SDCBP: variants seen among roughly 807,000 people sequenced by gnomAD.
The protein encoded by SDCBP is syntenin-1.
SDCBP carries 22 observed loss-of-function variants against 30.5 expected under a neutral mutation model. That is an observed-to-expected ratio of 0.72 (90% CI 0.52 to 1.03). The LOEUF (loss-of-function observed/expected upper bound fraction) is 1.03, where lower values mean the gene tolerates loss of function less well. SDCBP is among the 50% of genes least tolerant of loss of function. SDCBP has a pLI of 0.00. For synonymous variants in SDCBP, 103 were observed against 118.7 expected (o/e 0.87, Z 0.86); for missense variants, 304 against 369.9 (o/e 0.82, Z 1.46).
At chr8:58,570,714 T>C in intron 2 of SDCBP, 173 bp from the exon 3 acceptor site, 1 of 542,892 alleles carries the variant, frequency 1.8e-6, no homozygotes, top group East Asian at 2.9e-5. Flanking sequence ...ATAGTTTTGA[T>C]TTGCAGATTT....
At chr8:58,575,449 T>C (rs949640590) in intron 4 of SDCBP, among the ~76,000 whole-genome samples, 1 of 152,202 alleles carries the variant, frequency 6.6e-6, no homozygotes, top group Non-Finnish European at 1.5e-5. Context: ...CCAGTGCCCA[T>C]ACAACATGCA....
At chr8:58,571,302 G>A (rs938188473) in intron 3 of SDCBP, among the ~76,000 whole-genome samples, 1 of 152,074 alleles carries the variant, frequency 6.6e-6, no homozygotes. Flanking sequence ...GAACTATCAT[G>A]CTGCTGCTGT....
At chr8:58,569,440 C>T (rs1404474658) in intron 2 of SDCBP, among the ~76,000 whole-genome samples, 1 of 152,128 alleles carries the variant, frequency 6.6e-6, no homozygotes, top group Non-Finnish European at 1.5e-5. Flanking sequence ...CCTCAAGCAA[C>T]TCTCCAGCTT....
chr8:58,569,974 A>G (rs1254910398), intron 2 of SDCBP, among the ~76,000 whole-genome samples: 2 of 152,208 alleles, frequency 1.3e-5, no homozygotes, highest in African/African-American at 4.8e-5. Context: ...CATCTTTGGG[A>G]ATACTCTTGA....
At chr8:58,560,731 A>T (rs1311013704) in intron 1 of SDCBP, 4 of 152,264 alleles carry the variant, frequency 2.6e-5, no homozygotes, top group Non-Finnish European at 5.9e-5. Flanking sequence ...TTCAAAAGGC[A>T]TGCAGAATCT....
intron 2 of SDCBP, among the ~76,000 whole-genome samples, chr8:58,568,907 C>CA (rs1434948733): frequency 2.0e-5 from 3 of 152,182 alleles, no homozygotes; most frequent in Admixed American, 6.5e-5. Context: ...TCTTTAGCGT[C>CA]AGGATGTCGC....
intron 5 of SDCBP, among the ~76,000 whole-genome samples, chr8:58,576,607 T>C (rs1457499207): frequency 6.6e-6 from 1 of 152,158 alleles, no homozygotes; most frequent in African/African-American, 2.4e-5. Flanking sequence ...ATTTAATATG[T>C]CATTTTCTGA....
At chr8:58,559,086 A>AT (rs1804299854) in intron 1 of SDCBP, among the ~76,000 whole-genome samples, 2 of 152,202 alleles carry the variant, frequency 1.3e-5, no homozygotes, top group Non-Finnish European at 2.9e-5. Flanking sequence ...TTTAAAAAAA[A>AT]TTTTGAAAGT....
chr8:58,575,862 G>GTT, intron 4 of SDCBP, 38 bp from the exon 5 acceptor site: 1 of 1,519,872 alleles, frequency 6.6e-7, no homozygotes, highest in East Asian at 2.3e-5. Flanking sequence ...CAAGGAGAGT[G>GTT]TTTCTAGATA....
intron 4 of SDCBP, among the ~76,000 whole-genome samples, chr8:58,574,174 G>T (rs1805198132): frequency 6.6e-6 from 1 of 152,094 alleles, no homozygotes; most frequent in Admixed American, 6.5e-5. Flanking sequence ...AGTTAATGTG[G>T]CCATCTCTGG....
At chr8:58,571,984 T>G (rs553170525) in intron 3 of SDCBP, among the ~76,000 whole-genome samples, 7 of 152,216 alleles carry the variant, frequency 4.6e-5, no homozygotes, top group Non-Finnish European at 1.0e-4. Flanking sequence ...GTTGTTTCAG[T>G]TCAGATGTCT....
chr8:58,576,894 C>G (rs1805366925), intron 5 of SDCBP, among the ~76,000 whole-genome samples: 1 of 152,202 alleles, frequency 6.6e-6, no homozygotes, highest in African/African-American at 2.4e-5. Context: ...CTGATCTTGG[C>G]AGGAGGCCCC....
intron 1 of SDCBP, chr8:58,561,881 C>T: frequency 1.7e-6 from 1 of 600,846 alleles, no homozygotes; most frequent in Non-Finnish European, 2.9e-6. Flanking sequence ...AGATGCACAA[C>T]ATAAAAGATG....
chr8:58,575,713 G>C (rs1405169789), intron 4 of SDCBP, among the ~76,000 whole-genome samples, 187 bp from the exon 5 acceptor site: 1 of 152,192 alleles, frequency 6.6e-6, no homozygotes. Context: ...ATATGTGTGG[G>C]AATAAGTTAG....
intron 1 of SDCBP, among the ~76,000 whole-genome samples, chr8:58,556,763 TATA>T (rs1457739626): frequency 6.6e-6 from 1 of 150,562 alleles, no homozygotes; most frequent in Non-Finnish European, 1.5e-5. Flanking sequence ...AGGTTACTCT[TATA>T]TTGCCCTGAG....
At chr8:58,558,568 G>A (rs1380973672) in intron 1 of SDCBP, among the ~76,000 whole-genome samples, 4 of 152,090 alleles carry the variant, frequency 2.6e-5, no homozygotes, top group Admixed American at 2.0e-4. Flanking sequence ...CAGGCACTGC[G>A]CCCAGCTACA....
chr8:58,557,309 TATATATAA>T (rs1167185498), intron 1 of SDCBP, among the ~76,000 whole-genome samples: 106 of 135,528 alleles, frequency 7.8e-4, no homozygotes, highest in African/African-American at 2.7e-3. Flanking sequence ...TATATTTAAT[TATATATAA>T]ATATAAAATA....
rs923805380 is a variant in SDCBP, at chr8:58,571,059, C to G, written c.130+94C>G. ...AATCCAAGATTTTTTTTTGGACAGG[C>G]TGCATAAAATTGGTAGTTAAGCTCA... is the stretch of plus-strand genomic sequence containing the variant. On this transcript the variant is annotated intron_variant, in intron 3 of 8. Transcript: ENST00000260130. The G allele has an allele frequency of 4.5e-6, 4 of 884,620 alleles. No homozygotes were observed. The African/African-American group carries it at 6.7e-5, about 15-fold the overall frequency. 54.8% of individuals were successfully genotyped at this position (884,620 alleles called of 1,614,324 possible).
At chr8:58,579,906 G>A (rs891971733) in intron 7 of SDCBP, 112 bp downstream of exon 7, 19 of 1,001,342 alleles carry the variant, frequency 1.9e-5, no homozygotes, top group Non-Finnish European at 2.4e-5. Context: ...GATGGGGAAC[G>A]TGGGGCCTGA....
Sources: allele counts gnomAD v4.1 joint callset (sites outside exome capture counted in the v4.1 genomes callset), GRCh38; gene constraint gnomAD v4.1.1; transcripts MANE v1.5; gene names NCBI Gene and HGNC (gene_info 2026-07-23, HGNC 2026-07-21).